The following CNKSR3 variants were observed in gnomAD, a reference collection of about 807,000 sequenced individuals.
CNKSR3 encodes the protein connector enhancer of kinase suppressor of ras 3.
In CNKSR3, 36 loss-of-function variants were observed where a neutral mutation model predicts 67.7. The observed-to-expected ratio is 0.53, with a 90% CI of 0.41 to 0.70. The LOEUF (loss-of-function observed/expected upper bound fraction) is 0.70. Ranked by LOEUF, CNKSR3 falls within the 30% of genes least tolerant of loss-of-function variation. The probability of loss-of-function intolerance (pLI) is 0.00; values close to 1 mark genes in which losing one functional copy is unlikely to be tolerated. For synonymous variants in CNKSR3, 281 were observed against 271.4 expected (o/e 1.04, Z -0.35); for missense variants, 630 against 695.2 (o/e 0.91, Z 1.05).
At chr6:154,472,316 T>A (rs1276544145) in intron 1 of CNKSR3, among the ~76,000 whole-genome samples, 1 of 152,182 alleles carries the variant, frequency 6.6e-6, no homozygotes, top group Non-Finnish European at 1.5e-5. Flanking sequence ...AGAATAATTA[T>A]CATCTGTCAT....
chr6:154,445,314 G>A (rs926995555), intron 2 of CNKSR3, among the ~76,000 whole-genome samples: 8 of 151,910 alleles, frequency 5.3e-5, no homozygotes, highest in African/African-American at 1.9e-4. Context: ...ATTTTCTAGA[G>A]ACTAAAATAT....
At chr6:154,441,953 C>A (rs888811769) in intron 3 of CNKSR3, 135 bp downstream of exon 3, 2 of 747,498 alleles carry the variant, frequency 2.7e-6, no homozygotes, top group African/African-American at 3.5e-5. Context: ...TACCACTGAT[C>A]GAGGACTCCT....
intron 6 of CNKSR3, among the ~76,000 whole-genome samples, chr6:154,429,626 A>C (rs1010436752): frequency 1.3e-5 from 2 of 152,240 alleles, no homozygotes; most frequent in Admixed American, 6.5e-5. Flanking sequence ...GCCTGTCAAC[A>C]ATTGGTTGAT....
At chr6:154,428,297 T>C (rs1785295738) in intron 6 of CNKSR3, 110 bp from the exon 7 acceptor site, 3 of 716,026 alleles carry the variant, frequency 4.2e-6, no homozygotes, top group Non-Finnish European at 7.4e-6. Flanking sequence ...AGAACAATAC[T>C]CATTTTTCAG....
intron 10 of CNKSR3, among the ~76,000 whole-genome samples, chr6:154,411,679 TA>T (rs369658394): frequency 2.6e-5 from 4 of 151,212 alleles, no homozygotes; most frequent in Non-Finnish European, 2.9e-5. Flanking sequence ...GGGTTTTTTT[TA>T]ATATCCAAAC....
chr6:154,484,484 T>A (rs1423181915), intron 1 of CNKSR3, among the ~76,000 whole-genome samples: 7 of 151,924 alleles, frequency 4.6e-5, no homozygotes, highest in Non-Finnish European at 7.4e-5. Flanking sequence ...GGCGGGCAGA[T>A]CACAAGGTCA....
At chr6:154,492,774 A>G (rs1231682595) in intron 1 of CNKSR3, among the ~76,000 whole-genome samples, 1 of 151,814 alleles carries the variant, frequency 6.6e-6, no homozygotes, top group Non-Finnish European at 1.5e-5. Context: ...AACAAAAAAA[A>G]AAACAACACA....
At chr6:154,498,743 A>G (rs368020308) in intron 1 of CNKSR3, among the ~76,000 whole-genome samples, 63 of 152,196 alleles carry the variant, frequency 4.1e-4, no homozygotes, top group African/African-American at 1.4e-3. Flanking sequence ...TTCAAATTCC[A>G]TCTACACTGA....
chr6:154,446,802 C>CTTTTT (rs765120948), intron 2 of CNKSR3, among the ~76,000 whole-genome samples: 4 of 120,360 alleles, frequency 3.3e-5, no homozygotes, highest in East Asian at 2.4e-4. Context: ...TCATACTTAT[C>CTTTTT]TTTTTTTTTT....
chr6:154,494,880 T>A (rs754789291), intron 1 of CNKSR3, among the ~76,000 whole-genome samples: 1 of 148,528 alleles, frequency 6.7e-6, no homozygotes, highest in Non-Finnish European at 1.5e-5. Flanking sequence ...ACTGCTTATC[T>A]CTCCAAGCAC....
In CNKSR3 at chr6:154,389,010, A is replaced by C. The variant is rs917644434; in HGVS notation, c.*17344T>G. On this transcript the variant is annotated 3_prime_UTR_variant, in exon 13 of 13. Coordinates refer to ENST00000607772, the MANE Select transcript of CNKSR3 (RefSeq NM_173515.4). The stretch of plus-strand genomic sequence containing the variant: ...TTAGATGTCAACCCTTATCACATAC[A>C]TCGCTTGCAAATACTTTCTCCCATT... The C allele has an allele frequency of 6.6e-6, 1 of 151,702 alleles. No individual in the cohort carries two copies. Among genetic ancestry groups the C allele is most frequent in the Non-Finnish European group, 1.5e-5 (1 of 67,970 alleles). The allele number at this position is 151,702 out of a possible 1,614,324, so 9.4% of individuals were successfully genotyped here. A position where few individuals can be genotyped will look rare whatever the true frequency, so the allele number is the denominator to read the frequency against.
Position 154,450,189 on chromosome 6 carries a change from A to T in CNKSR3, c.122T>A (p.Leu41Gln). 1 of 1,614,192 alleles carries T rather than the reference A, an allele frequency of 6.2e-7. No individual in the cohort carries two copies. The highest frequency in any genetic ancestry group is 8.5e-7 in the Non-Finnish European group (1 of 1,180,020). Residue 41 changes from leucine (L) to glutamine (Q), a missense_variant, in exon 2 of 13, where the codon CTG becomes CAG. Leu to Gln is a moderately radical substitution (Grantham distance 113). Around this residue, in one of 3 missense-constraint regions of CNKSR3, gnomAD observed 189 missense variants for 205.0 expected, o/e 0.92. Transcript: ENST00000607772. Reference protein sequence around the residue: ...EREKINGEQLLQISHQDLEEL... With the variant: ...EREKINGEQLQQISHQDLEEL... ...CTCCAGGTCCTGATGGGAAATCTGC[A>T]GCAGCTGCTCGCCGTTGATCTTCTC...
Position 154,442,214 on chromosome 6 carries a change from T to G in CNKSR3, c.293A>C (p.Tyr98Ser), listed in dbSNP as rs1446403643. 3 of 1,614,126 alleles carry G rather than the reference T, an allele frequency of 1.9e-6. No individual in the cohort carries two copies. In the African/African-American group the frequency reaches 4.0e-5, roughly 22 times the overall value. The change falls in exon 3 of 13, where the codon TAC (tyrosine) becomes TCC (serine). Residue 98 changes from tyrosine (Y) to serine (S), a missense_variant. Physicochemically the swap from Tyr to Ser is moderately radical, Grantham distance 144. Coordinates refer to ENST00000607772, the MANE Select transcript of CNKSR3 (RefSeq NM_173515.4). ...LRASSHNLQN[Y>S]ISSRRKSPAY... Reference sequence around the variant, plus strand: ...GGGACTTTTCCGTCGGCTACTTATGTAATTCTGTAAATTGTGGGAAGATGC... The same window carrying G: ...GGGACTTTTCCGTCGGCTACTTATGGAATTCTGTAAATTGTGGGAAGATGC...
chr6:154,454,683 A>T (rs370460011), intron 1 of CNKSR3, among the ~76,000 whole-genome samples: 211 of 151,910 alleles, frequency 1.4e-3, no homozygotes, highest in African/African-American at 4.8e-3. Context: ...CACCACACCC[A>T]ACTAATTTTT....
At chr6:154,497,226 G>A (rs1786897617) in intron 1 of CNKSR3, among the ~76,000 whole-genome samples, 1 of 148,948 alleles carries the variant, frequency 6.7e-6, no homozygotes. Flanking sequence ...TTCTACTAAA[G>A]TTCAAAAAAA....
Position 154,438,252 on chromosome 6 carries a change from G to A in CNKSR3, c.507+3040C>T, listed in dbSNP as rs1785512855. Among the ~76,000 whole-genome samples, 4 of 150,416 alleles carry A rather than the reference G, an allele frequency of 2.7e-5. No individual in the cohort carries two copies. In the South Asian group the frequency reaches 6.3e-4, roughly 24 times the overall value. On this transcript the variant is annotated intron_variant, in intron 4 of 12. Transcript: ENST00000607772. ...TTTTTTGTTCTCTTTTTTTGCCTTGGCTCCTACATTCCCTCCCTCTCTCTC... is the reference window on the plus strand; with the variant it reads ...TTTTTTGTTCTCTTTTTTTGCCTTGACTCCTACATTCCCTCCCTCTCTCTC...
intron 12 of CNKSR3, among the ~76,000 whole-genome samples, chr6:154,409,483 A>G (rs1427575282): frequency 6.8e-6 from 1 of 146,866 alleles, no homozygotes; most frequent in Non-Finnish European, 1.5e-5. Context: ...AGGACTTGGA[A>G]GAAAAAAAAA....
chr6:154,502,077 G>C (rs1241547892), intron 1 of CNKSR3, among the ~76,000 whole-genome samples: 1 of 152,116 alleles, frequency 6.6e-6, no homozygotes, highest in Admixed American at 6.5e-5. Flanking sequence ...TATTGATCAT[G>C]AATAATAAGT....
At chr6:154,407,397 A>T (rs565729515) in intron 12 of CNKSR3, among the ~76,000 whole-genome samples, 23 of 152,354 alleles carry the variant, frequency 1.5e-4, no homozygotes, top group African/African-American at 5.1e-4. Flanking sequence ...CTTAAAATAC[A>T]GTACACTTTG....
Sources: allele counts gnomAD v4.1 joint callset (sites outside exome capture counted in the v4.1 genomes callset), GRCh38; gene constraint gnomAD v4.1.1; regional missense constraint gnomAD v4.1.1; transcripts MANE v1.5; gene names NCBI Gene and HGNC (gene_info 2026-07-23, HGNC 2026-07-21).